Variants in PER2 observed in about 807,000 individuals in gnomAD.
PER2 encodes period circadian regulator 2.
PER2 carries 66 observed loss-of-function variants against 121.0 expected under a neutral mutation model. That is an observed-to-expected ratio of 0.55 (90% CI 0.45 to 0.67). PER2 has a LOEUF of 0.67. PER2 is among the 30% of genes least tolerant of loss of function. The pLI is 0.00. For missense variants in PER2, 1,521 were observed against 1,635.0 expected, an observed-to-expected ratio of 0.93 and a Z score of 1.20; for synonymous variants, 684 against 659.9, an observed-to-expected ratio of 1.04 and a Z score of -0.56.
chr2:238,263,188 T>C (rs1695990325), intron 9 of PER2, 130 bp from the exon 10 acceptor site: 1 of 648,512 alleles, frequency 1.5e-6, no homozygotes, highest in Non-Finnish European at 2.7e-6. Context: ...CCCCCGGAGA[T>C]CAAAAGTTGG....
intron 10 of PER2, 77 bp from the exon 11 acceptor site, chr2:238,262,421 T>A: frequency 1.4e-6 from 2 of 1,440,798 alleles, no homozygotes; most frequent in Non-Finnish European, 2.0e-6. Flanking sequence ...AAGTCAAGAG[T>A]CACTCAGGCC....
At chr2:238,279,557 T>C (rs1696567570) in intron 1 of PER2, among the ~76,000 whole-genome samples, 3 of 152,312 alleles carry the variant, frequency 2.0e-5, no homozygotes, top group South Asian at 4.2e-4. Context: ...TCTGGCCCAG[T>C]GTGGCATTCC....
intron 1 of PER2, among the ~76,000 whole-genome samples, chr2:238,281,744 T>C (rs1450810462): frequency 6.6e-6 from 1 of 152,190 alleles, no homozygotes; most frequent in Non-Finnish European, 1.5e-5. Flanking sequence ...GTTGCTCAGG[T>C]GGAGAAGAGT....
intron 8 of PER2, among the ~76,000 whole-genome samples, chr2:238,266,989 A>G (rs1696133221): frequency 6.6e-6 from 1 of 151,042 alleles, no homozygotes; most frequent in Non-Finnish European, 1.5e-5. Flanking sequence ...CGGAGGTTGC[A>G]GTGAGCCAAG....
Position 238,258,609 on chromosome 2 carries a change from C to T in PER2, c.1663G>A (p.Val555Ile). The T allele has an allele frequency of 6.2e-7, 1 of 1,614,160 alleles. No homozygotes were observed. The highest frequency in any genetic ancestry group is 1.1e-5 in the South Asian group (1 of 91,086). The change falls in exon 15 of 23, where the codon GTC becomes ATC. Residue 555 changes from valine to isoleucine, a missense_variant. By Grantham distance (29) the Val-to-Ile change is conservative. Coordinates refer to ENST00000254657, the MANE Select transcript of PER2 (RefSeq NM_022817.3). ...QTNPPAEKKAVPAMEKDSLGV... is the reference protein window; with the variant it reads ...QTNPPAEKKAIPAMEKDSLGV... ...AGGCTGTCCTTTTCCATGGCAGGGA[C>T]AGCTTTCTTCTCAGCTGGGGGATTA... is the stretch of plus-strand genomic sequence containing the variant.
intron 22 of PER2, among the ~76,000 whole-genome samples, chr2:238,247,940 A>G (rs1695491636): frequency 6.6e-6 from 1 of 152,226 alleles, no homozygotes; most frequent in African/African-American, 2.4e-5. Flanking sequence ...GGTTCATGCC[A>G]TGGAAGCATC....
At chr2:238,256,307 G>A (rs1449727703) in intron 17 of PER2, among the ~76,000 whole-genome samples, 1 of 152,204 alleles carries the variant, frequency 6.6e-6, no homozygotes, top group East Asian at 1.9e-4. Flanking sequence ...GGGCCCATGG[G>A]GCAGACAGGA....
intron 10 of PER2, among the ~76,000 whole-genome samples, chr2:238,262,692 C>A (rs1269953523): frequency 6.6e-6 from 1 of 152,182 alleles, no homozygotes; most frequent in Non-Finnish European, 1.5e-5. Flanking sequence ...CTGAAGCCAA[C>A]AGTAAACATA....
intron 8 of PER2, among the ~76,000 whole-genome samples, chr2:238,266,188 C>A (rs559301800): frequency 6.6e-6 from 1 of 152,196 alleles, no homozygotes; most frequent in Non-Finnish European, 1.5e-5. Flanking sequence ...CAGGCGTGAG[C>A]CACTGCGCCC....
chr2:238,281,006 CTTTT>C (rs200445345), intron 1 of PER2, among the ~76,000 whole-genome samples: 2 of 143,468 alleles, frequency 1.4e-5, no homozygotes, highest in Admixed American at 6.9e-5. Flanking sequence ...AATGTTTACA[CTTTT>C]TTTTTTTTTT....
intron 1 of PER2, among the ~76,000 whole-genome samples, chr2:238,281,279 G>A (rs1395380019): frequency 6.6e-6 from 1 of 152,188 alleles, no homozygotes; most frequent in African/African-American, 2.4e-5. Context: ...TGGGATTACA[G>A]GCGTGAGCCA....
rs182333202 is a variant in PER2 at position 238,268,690 on chromosome 2, G to A, written c.824+233C>T. On this transcript the variant is annotated intron_variant, in intron 7 of 22. Transcript: ENST00000254657. This position sits in a 1 kb window ranked among gnomAD's most constrained non-coding sequence, Gnocchi z 4.0. The stretch of plus-strand genomic sequence containing the variant: ...GGGGTACAGGCCTTTGCAAGACACA[G>A]AGAGAAAGTGCAGGTCCATGAGGGG... 5.8e-4 allele frequency among the ~76,000 whole-genome samples: 89 copies of A among 152,336 alleles called. 1 individual carries two copies. Among genetic ancestry groups the A allele is most frequent in the Non-Finnish European group, 5.6e-4 (38 of 68,024 alleles).
chr2:238,269,577 G>A (rs1264694922), intron 6 of PER2, among the ~76,000 whole-genome samples: 1 of 144,410 alleles, frequency 6.9e-6, no homozygotes, highest in Admixed American at 6.8e-5. Context: ...CACTCACAGT[G>A]CACTGCTGCA....
chr2:238,255,665 CT>C lies in PER2; in HGVS notation c.2311del (p.Ser771ValfsTer8). On this transcript the variant is annotated frameshift_variant, in exon 18 of 23. Coordinates refer to ENST00000254657, the MANE Select transcript of PER2 (RefSeq NM_022817.3). LOFTEE classifies it high-confidence loss of function. ...ATTCGGGTATCACTTACTTCGTTCA[CT>C]TGGCTGCCCCTTGGATCTTTCTTGC... is the stretch of plus-strand genomic sequence containing the variant. Reference protein sequence around the residue: ...YLQERSKGQPSERTAPGLRNT... With the variant: ...YLQERSKGQPXERTAPGLRNT... 1 of 1,614,274 alleles carries C rather than the reference CT, an allele frequency of 6.2e-7. No homozygotes were observed. Among genetic ancestry groups the C allele is most frequent in the Non-Finnish European group, 8.5e-7 (1 of 1,180,044 alleles).
In PER2 at chr2:238,253,266, G is replaced by A. The variant is rs1343801469; in HGVS notation, c.2757C>T (p.Asn919=). 6.2e-7 allele frequency: 1 copy of A among 1,610,484 alleles called. No homozygotes were observed. Among genetic ancestry groups the A allele is most frequent in the Non-Finnish European group, 8.5e-7 (1 of 1,177,778 alleles). The change falls in exon 19 of 23, where the codon AAC becomes AAT. Residue 919 remains asparagine, a synonymous_variant. Transcript: ENST00000254657. This position sits in a 1 kb window ranked among gnomAD's most constrained non-coding sequence, Gnocchi z 5.6. ...GGCTGGGGAAGAAGGCCTGGGGCAGGTTTGGGGTCCCCGAGGGGAAGGAAT... is the reference window on the plus strand; with the variant it reads ...GGCTGGGGAAGAAGGCCTGGGGCAGATTTGGGGTCCCCGAGGGGAAGGAAT... ...PSYSFPSGTP[N]LPQAFFPSQP...
intron 6 of PER2, among the ~76,000 whole-genome samples, chr2:238,270,144 T>C (rs1333269034): frequency 6.6e-6 from 1 of 152,230 alleles, no homozygotes; most frequent in Admixed American, 6.5e-5. Context: ...TGCCTCAGAC[T>C]TTGGGGTAGG....
At chr2:238,291,487 C>T (rs1357906036), upstream of PER2, among the ~76,000 whole-genome samples, 4 of 152,214 alleles carry the variant, frequency 2.6e-5, no homozygotes, top group South Asian at 2.1e-4. Flanking sequence ...GCATGGTTTG[C>T]GGGTTGGCTA....
intron 6 of PER2, 91 bp downstream of exon 6, chr2:238,271,221 G>T: frequency 2.6e-6 from 3 of 1,137,068 alleles, no homozygotes; most frequent in South Asian, 1.2e-5. Context: ...GAAAGGTGAG[G>T]CAGGGCGCCT....
At chr2:238,272,968 AAACACTCCTGC>A in intron 5 of PER2, 91 bp downstream of exon 5, 1 of 1,080,914 alleles carries the variant, frequency 9.3e-7, no homozygotes, top group Non-Finnish European at 1.4e-6. Context: ...CTGAAACCCC[AAACACTCCTGC>A]CTTACAGCCA....
Sources: allele counts gnomAD v4.1 joint callset (sites outside exome capture counted in the v4.1 genomes callset), GRCh38; gene constraint gnomAD v4.1.1; non-coding constraint Gnocchi (gnomAD v3.1); transcripts MANE v1.5; gene names NCBI Gene and HGNC (gene_info 2026-07-23, HGNC 2026-07-21).